FRS3: variants seen among roughly 807,000 people sequenced by gnomAD.
The protein encoded by FRS3 is fibroblast growth factor receptor substrate 3.
FRS3 carries 17 observed loss-of-function variants against 41.9 expected under a neutral mutation model. That is an observed-to-expected ratio of 0.41 (90% confidence interval 0.28 to 0.61). FRS3 has a LOEUF of 0.61. Ranked by LOEUF, FRS3 falls within the 20% of genes least tolerant of loss-of-function variation. The pLI, the probability that FRS3 is intolerant of heterozygous loss-of-function variation, is 0.36. For synonymous variants in FRS3, 287 were observed against 274.5 expected, an observed-to-expected ratio of 1.05 and a Z score of -0.45; for missense variants, 619 against 672.1, an observed-to-expected ratio of 0.92 and a Z score of 0.87.
Position 41,771,810 on chromosome 6 carries a change from G to A in FRS3, c.564+6C>T. 5 of 1,550,640 alleles carry A rather than the reference G, an allele frequency of 3.2e-6. No individual in the cohort carries two copies. Among genetic ancestry groups the A allele is most frequent in the Non-Finnish European group, 4.4e-6 (5 of 1,147,390 alleles). ...CAGGGCAGGGGCTGGCCGGCTGCGT[G>A]CTCACCTGCTCATCAGGAGCAATGA... is the stretch of plus-strand genomic sequence containing the variant. On this transcript the variant is annotated splice_donor_region_variant and intron_variant, in intron 6 of 6. Transcript: ENST00000373018.
intron 6 of FRS3, 108 bp downstream of exon 6, chr6:41,771,708 A>C: frequency 7.7e-7 from 1 of 1,298,784 alleles, no homozygotes. Flanking sequence ...GGACCGTTAC[A>C]ATGTTCTTCC....
chr6:41,777,061 C>A lies in FRS3; in HGVS notation c.-23-51G>T, dbSNP rs1554141057. ...GGTCACCAACTTCAGCTTCAAAAAA[C>A]CCTGCTCTGGGGAACTTGGGCAGAA... On this transcript the variant is annotated intron_variant, in intron 2 of 6. Coordinates refer to ENST00000373018, the MANE Select transcript of FRS3 (RefSeq NM_006653.5). 13 of 1,378,106 alleles carry A rather than the reference C, an allele frequency of 9.4e-6. No homozygotes were observed. In the South Asian group the frequency reaches 1.5e-4, roughly 16 times the overall value. 85.4% of individuals were successfully genotyped at this position (1,378,106 alleles called of 1,614,324 possible). A position where few individuals can be genotyped will look rare whatever the true frequency, so the allele number is the denominator to read the frequency against.
chr6:41,775,175 G>A (rs1437767891), intron 4 of FRS3, among the ~76,000 whole-genome samples: 1 of 152,164 alleles, frequency 6.6e-6, no homozygotes, highest in East Asian at 1.9e-4. Context: ...CACAGCTTAA[G>A]TCTGGATCCT....
intron 3 of FRS3, 31 bp downstream of exon 3, chr6:41,776,891 G>A (rs770206248): frequency 2.5e-6 from 4 of 1,574,260 alleles, no homozygotes; most frequent in African/African-American, 1.3e-5. Context: ...GGCCATGTTG[G>A]GAACACAGGA....
rs1324035438 is a variant in FRS3 at position 41,775,577 on chromosome 6, T to A, written c.95A>T (p.Glu32Val). Residue 32 changes from glutamate to valine, a missense_variant, in exon 4 of 7, where the codon GAG becomes GTG. Glu to Val is a moderately radical substitution (Grantham distance 121, BLOSUM62 -2). Transcript: ENST00000373018. ...KVTNVDDEGV[E>V]LGSGVMELTQ... ...CAGCTCCATCACCCCAGAGCCCAGC[T>A]CCACCCCCTCATCATCCACATTTGT... 2.5e-6 allele frequency: 4 copies of A among 1,613,860 alleles called. No individual in the cohort carries two copies. The East Asian group carries it at 8.9e-5, about 36-fold the overall frequency.
chr6:41,772,074 T>C (rs1772311180), intron 5 of FRS3, 110 bp from the exon 6 acceptor site: 2 of 886,686 alleles, frequency 2.3e-6, no homozygotes. Flanking sequence ...ACAGATGTTC[T>C]CAGGGCGTCA....
chr6:41,772,959 C>G lies in FRS3; in HGVS notation c.254G>C (p.Gly85Ala), dbSNP rs2127299514. Residue 85 changes from glycine to alanine, a missense_variant and splice_region_variant, in exon 5 of 7, where the codon GGA (glycine) becomes GCA (alanine). By Grantham distance (60) the Gly-to-Ala change is moderately conservative. Transcript: ENST00000373018. ...ESGRRCQTGQ[G>A]IFAFKCSRAE... ...CCGGGAACACTTAAATGCAAATATT[C>G]CTGGAGAAGGAGAGGAAGAAATGAC... 3 of 1,613,664 alleles carry G rather than the reference C, an allele frequency of 1.9e-6. No homozygotes were observed. In the East Asian group the frequency reaches 6.7e-5, roughly 36 times the overall value.
chr6:41,770,797 T>C lies in FRS3; in HGVS notation c.1301A>G (p.Gln434Arg), dbSNP rs1008382609. The change falls in exon 7 of 7, where the codon CAG (glutamine) becomes CGG (arginine). Residue 434 changes from glutamine to arginine, a missense_variant. Gln to Arg is a conservative substitution (Grantham distance 43, BLOSUM62 1). Around this residue, in one of 3 missense-constraint regions of FRS3, gnomAD observed 487 missense variants for 478.3 expected, o/e 1.02. Coordinates refer to ENST00000373018, the MANE Select transcript of FRS3 (RefSeq NM_006653.5). ...GWGGDRPKGP[Q>R]NPSSPQAPMP... Reference sequence around the variant, plus strand: ...GGGGGCTTGGGGGCTCGAGGGGTTCTGGGGCCCCTTAGGGCGGTCTCCACC... The same window carrying C: ...GGGGGCTTGGGGGCTCGAGGGGTTCCGGGGCCCCTTAGGGCGGTCTCCACC... 6.2e-6 allele frequency: 10 copies of C among 1,608,728 alleles called. No individual in the cohort carries two copies. In the Admixed American group the frequency reaches 1.0e-4, roughly 16 times the overall value.
chr6:41,777,139 C>T lies in FRS3; in HGVS notation c.-23-129G>A, dbSNP rs1041143842. On this transcript the variant is annotated intron_variant, in intron 2 of 6. Coordinates refer to ENST00000373018, the MANE Select transcript of FRS3 (RefSeq NM_006653.5). ...CCAAGAGACTGTGTGATACAGACCC[C>T]CCCTCAAAGACTTCACATTCTCAAT... is the stretch of plus-strand genomic sequence containing the variant. 2.8e-5 allele frequency: 18 copies of T among 647,036 alleles called. No homozygotes were observed. The African/African-American group carries it at 2.9e-4, about 10-fold the overall frequency. The allele number at this position is 647,036 out of a possible 1,614,324, so 40.1% of individuals were successfully genotyped here.
At chr6:41,779,565 G>C (rs1203400473) in intron 1 of FRS3, among the ~76,000 whole-genome samples, 4 of 151,942 alleles carry the variant, frequency 2.6e-5, no homozygotes, top group African/African-American at 9.7e-5. Context: ...GGGTAGAGGT[G>C]GGTTGGGGGA....
In FRS3 at chr6:41,772,854, GTGA is replaced by G. The variant is rs756853104; in HGVS notation, c.356_358del (p.Ile119del). 6.2e-7 allele frequency: 1 copy of G among 1,613,736 alleles called. No homozygotes were observed. The highest frequency in any genetic ancestry group is 8.5e-7 in the Non-Finnish European group (1 of 1,179,980). On this transcript the variant is annotated inframe_deletion, in exon 5 of 7. Transcript: ENST00000373018. ...AAGCTCAGCGGGGTGGCTATTGCGG[GTGA>G]TGATGACAGGCTCTTCCATCACATT...
rs1295032138 is a variant in FRS3 at position 41,771,444 on chromosome 6, G to A, written c.654C>T (p.Pro218=). The A allele has an allele frequency of 6.2e-7, 1 of 1,610,932 alleles. No homozygotes were observed. The highest frequency in any genetic ancestry group is 8.5e-7 in the Non-Finnish European group (1 of 1,178,346). Residue 218 remains proline, a synonymous_variant, in exon 7 of 7, where the codon CCC becomes CCT. Coordinates refer to ENST00000373018, the MANE Select transcript of FRS3 (RefSeq NM_006653.5). The part of the protein sequence containing the change: ...CLQPLPEGQA[P]FLPQARGPDQ... ...CAGGTCCCCGGGCCTGCGGGAGGAA[G>A]GGTGCCTGACCCTCAGGCAGGGGCT...
rs921549308 is a variant in FRS3, at chr6:41,770,269, T to C, written c.*350A>G. ...TAAACTGATAAATAAAATCAACAGG[T>C]ACAAAATGTTTCAAAATTCCAACCA... On this transcript the variant is annotated 3_prime_UTR_variant, in exon 7 of 7. Transcript: ENST00000373018. The C allele has an allele frequency of 1.2e-5, 3 of 243,210 alleles. No individual in the cohort carries two copies. Among genetic ancestry groups the C allele is most frequent in the African/African-American group, 2.3e-5 (1 of 44,422 alleles). The allele number at this position is 243,210 out of a possible 1,614,324, so 15.1% of individuals were successfully genotyped here.
At chr6:41,772,034 TGTGGCATC>T (rs1459716750) in intron 5 of FRS3, 70 bp from the exon 6 acceptor site, 9 of 1,323,228 alleles carry the variant, frequency 6.8e-6, no homozygotes, top group Non-Finnish European at 9.2e-6. Flanking sequence ...CAGCTGTGTG[TGTGGCATC>T]CTGGGACTCC....
chr6:41,778,126 CA>C lies in FRS3; in HGVS notation c.-118del, dbSNP rs1157027423. On this transcript the variant is annotated 5_prime_UTR_variant, in exon 2 of 7. Coordinates refer to ENST00000373018, the MANE Select transcript of FRS3 (RefSeq NM_006653.5). Reference sequence around the variant, plus strand: ...GTCCTTGGTGGGCTGTCATGGCAAACAGTCTGCAGAGAAGTCACCCGGATCC... The same window carrying C: ...GTCCTTGGTGGGCTGTCATGGCAAACGTCTGCAGAGAAGTCACCCGGATCC... The C allele has an allele frequency of 6.6e-6, 1 of 152,640 alleles. No individual in the cohort carries two copies. The highest frequency in any genetic ancestry group is 1.5e-5 in the Non-Finnish European group (1 of 68,060). 9.5% of individuals were successfully genotyped at this position (152,640 alleles called of 1,614,324 possible).
chr6:41,776,862 A>C, intron 3 of FRS3, 60 bp downstream of exon 3: 1 of 1,356,954 alleles, frequency 7.4e-7, no homozygotes, highest in Non-Finnish European at 1.1e-6. Context: ...ACTCCATTAA[A>C]TTGTGTCTGA....
chr6:41,771,526 G>T lies in FRS3; in HGVS notation c.572C>A (p.Thr191Asn), dbSNP rs773366143. The change falls in exon 7 of 7, where the codon ACC (threonine) becomes AAC (asparagine). Residue 191 changes from threonine (T) to asparagine (N), a missense_variant. By Grantham distance (65) the Thr-to-Asn change is moderately conservative. Transcript: ENST00000373018. ...TTCACTGGCCGGTGTGTTGACATAG[G>T]TGTGGGACTGGGGAAAGAGTCCAAG... ...ALIAPDEQSHTYVNTPASEDD... is the reference protein window; with the variant it reads ...ALIAPDEQSHNYVNTPASEDD... 2.0e-6 allele frequency: 3 copies of T among 1,531,508 alleles called. No individual in the cohort carries two copies. Among genetic ancestry groups the T allele is most frequent in the Non-Finnish European group, 1.7e-6 (2 of 1,143,064 alleles). The allele number at this position is 1,531,508 out of a possible 1,614,324, so 94.9% of individuals were successfully genotyped here.
rs751611880 is a variant in FRS3, at chr6:41,771,370, A to G, written c.728T>C (p.Val243Ala). 2 of 1,613,650 alleles carry G rather than the reference A, an allele frequency of 1.2e-6. No homozygotes were observed. The highest frequency in any genetic ancestry group is 8.5e-7 in the Non-Finnish European group (1 of 1,179,862). ...VFLQPGQVKF[V>A]LGPTPARRHM... ...CCGCCGAGCAGGGGTCGGGCCCAAC[A>G]CAAACTTCACCTGGCCTGGCTGCAA... The change falls in exon 7 of 7, where the codon GTG becomes GCG. Residue 243 changes from valine (V) to alanine (A), a missense_variant. Transcript: ENST00000373018.
intron 4 of FRS3, among the ~76,000 whole-genome samples, chr6:41,774,815 A>G (rs974388015): frequency 2.6e-5 from 4 of 152,336 alleles, no homozygotes; most frequent in African/African-American, 9.6e-5. Flanking sequence ...GGGAAGAAAA[A>G]TAACTACTCT....
Sources: gnomAD v4.1 joint callset for allele counts (sites outside exome capture counted in the v4.1 genomes callset) on GRCh38, gnomAD v4.1.1 for gene constraint, gnomAD v4.1.1 regional missense constraint, MANE v1.5 for transcripts, NCBI Gene and HGNC (gene_info 2026-07-23, HGNC 2026-07-21) for gene names.